Variants in KIF7 observed in about 807,000 individuals in gnomAD.
KIF7 encodes the protein kinesin family member 7.
KIF7 carries 104 observed loss-of-function variants against 135.7 expected under a neutral mutation model. The observed-to-expected ratio is 0.77, with a 90% CI of 0.65 to 0.90. KIF7 has a LOEUF of 0.90. KIF7 is among the 40% of genes least tolerant of loss of function. The probability of loss-of-function intolerance (pLI) is 0.00; values close to 1 mark genes in which losing one functional copy is unlikely to be tolerated. For synonymous variants in KIF7, 883 were observed against 809.4 expected, an observed-to-expected ratio of 1.09 and a Z score of -1.54; for missense variants, 2,005 against 1,839.1, an observed-to-expected ratio of 1.09 and a Z score of -1.65.
intron 11 of KIF7, among the ~76,000 whole-genome samples, chr15:89,641,711 G>T (rs987522763): frequency 6.6e-6 from 1 of 152,190 alleles, no homozygotes; most frequent in African/African-American, 2.4e-5. Flanking sequence ...TGAGACAGGA[G>T]AATCACTTGA....
chr15:89,631,771 G>T lies in KIF7; in HGVS notation c.2896-61C>A, dbSNP rs918335185. The T allele has an allele frequency of 2.8e-6, 4 of 1,404,446 alleles. No individual in the cohort carries two copies. In the African/African-American group the frequency reaches 4.3e-5, roughly 15 times the overall value. The allele number at this position is 1,404,446 out of a possible 1,614,324, so 87.0% of individuals were successfully genotyped here. A position where few individuals can be genotyped will look rare whatever the true frequency, so the allele number is the denominator to read the frequency against. Reference sequence around the variant, plus strand: ...AGGCACTGTCCTCACAGGGGGGACAGAAAGGGCCGGATGTTAAGGAGGACT... The same window carrying T: ...AGGCACTGTCCTCACAGGGGGGACATAAAGGGCCGGATGTTAAGGAGGACT... On this transcript the variant is annotated intron_variant, in intron 14 of 18. Transcript: ENST00000394412.
intron 1 of KIF7, chr15:89,621,336 A>AT: frequency 6.4e-7 from 1 of 1,551,440 alleles, no homozygotes; most frequent in East Asian, 2.3e-5. Context: ...TTTTAATAGT[A>AT]TTGGAAGAAC....
chr15:89,645,826 C>A, intron 8 of KIF7, 67 bp downstream of exon 8: 1 of 1,577,180 alleles, frequency 6.3e-7, no homozygotes, highest in Non-Finnish European at 8.6e-7. Flanking sequence ...ACGGTGCGAT[C>A]CCCAGCCTGC....
rs1963577300 is a variant in KIF7, at chr15:89,628,306, G to A, written c.*113C>T. On this transcript the variant is annotated 3_prime_UTR_variant, in exon 19 of 19. Transcript: ENST00000394412. ...TTGATCCCAGTGAGGGTACAGATGA[G>A]GGCCTGGATTTAGGGTGTGCGGTAA... 66 of 1,381,292 alleles carry A rather than the reference G, an allele frequency of 4.8e-5. No homozygotes were observed. The South Asian group carries it at 9.4e-4, about 20-fold the overall frequency. 85.6% of individuals were successfully genotyped at this position (1,381,292 alleles called of 1,614,324 possible).
At chr15:89,627,263 C>T (rs1963549672), downstream of KIF7, 3 of 732,238 alleles carry the variant, frequency 4.1e-6, no homozygotes, top group East Asian at 2.8e-5. Context: ...TGGCCCTGCC[C>T]CTTGTTGGGG....
downstream of KIF7, chr15:89,623,885 C>T: frequency 6.2e-7 from 1 of 1,614,034 alleles, no homozygotes; most frequent in Non-Finnish European, 8.5e-7. Context: ...GAAACGAAGA[C>T]ACCAAGAACT....
At position 89,652,580 on chromosome 15, in the gene KIF7, G is replaced by C. The variant is rs551499157; in HGVS notation, c.328+23C>G. The C allele has an allele frequency of 0.013, 18,578 of 1,481,850 alleles. 141 individuals are homozygous for C. The highest frequency in any genetic ancestry group is 0.015 in the Non-Finnish European group (16,836 of 1,099,406). The allele number at this position is 1,481,850 out of a possible 1,614,324, so 91.8% of individuals were successfully genotyped here. On this transcript the variant is annotated intron_variant, in intron 2 of 18. Coordinates refer to ENST00000394412, the MANE Select transcript of KIF7 (RefSeq NM_198525.3). ...ACTAAGGCTCCTTAAAGTGGGCACA[G>C]GGCCACGAACAGGGTCACTCACCCA...
chr15:89,621,447 T>G (rs772229279), intron 1 of KIF7: 2 of 1,613,972 alleles, frequency 1.2e-6, no homozygotes, highest in Non-Finnish European at 8.5e-7. Context: ...AGTCTTCTTT[T>G]TGGGGCAATG....
chr15:89,652,770 T>C lies in KIF7; in HGVS notation c.161A>G (p.His54Arg). 1 of 1,551,590 alleles carries C rather than the reference T, an allele frequency of 6.4e-7. No individual in the cohort carries two copies. Residue 54 changes from histidine (H) to arginine (R), a missense_variant, in exon 2 of 19, where the codon CAC becomes CGC. Transcript: ENST00000394412. ...GGCCAGCACCACGTGGAAGCCAAAG[T>C]GTCGGTCACGGCCCAGAGTGACGCG... ...LGRVTLGRDR[H>R]FGFHVVLAED...
intron 4 of KIF7, 72 bp downstream of exon 4, chr15:89,648,902 C>A (rs996347806): frequency 6.2e-6 from 9 of 1,463,304 alleles, no homozygotes; most frequent in African/African-American, 5.6e-5. Flanking sequence ...TGGGCTTCCA[C>A]CCCCACTGGT....
intron 16 of KIF7, chr15:89,630,074 A>G: frequency 1.7e-6 from 1 of 605,698 alleles, no homozygotes; most frequent in Non-Finnish European, 2.9e-6. Flanking sequence ...GAGGTTAGCC[A>G]ATCAGAGCAG....
At position 89,646,979 on chromosome 15, in the gene KIF7, C is replaced by G; in HGVS notation, c.1639G>C (p.Gly547Arg). ...RLELVRPGWG[G>R]PRLLNGLPPG... is the part of the protein sequence containing the mutation. Reference sequence around the variant, plus strand: ...GGCAGGCCATTCAGGAGCCGCGGGCCCCCCCAGCCTGGCCGCACCAGCTCT... The same window carrying G: ...GGCAGGCCATTCAGGAGCCGCGGGCGCCCCCAGCCTGGCCGCACCAGCTCT... The change falls in exon 7 of 19, where the codon GGC (glycine) becomes CGC (arginine). Residue 547 changes from glycine (G) to arginine (R), a missense_variant. Physicochemically the swap from Gly to Arg is moderately radical, Grantham distance 125 (BLOSUM62 -2). Coordinates refer to ENST00000394412, the MANE Select transcript of KIF7 (RefSeq NM_198525.3). 6.2e-7 allele frequency: 1 copy of G among 1,613,322 alleles called. No individual in the cohort carries two copies. The highest frequency in any genetic ancestry group is 1.1e-5 in the South Asian group (1 of 91,048).
rs536374863 is a variant in KIF7, at chr15:89,633,782, C to T, written c.2496G>A (p.Arg832=). The part of the protein sequence containing the change: ...QELERNVQLM[R]QQQGQLQRRL... ...GCCTCTGCAGCTGTCCCTGCTGCTG[C>T]CGCATGAGCTGCACGTTCCGCTCGA... The change falls in exon 12 of 19, where the codon CGG becomes CGA. Residue 832 remains arginine, a synonymous_variant. Coordinates refer to ENST00000394412, the MANE Select transcript of KIF7 (RefSeq NM_198525.3). 1.2e-6 allele frequency: 2 copies of T among 1,611,748 alleles called. No homozygotes were observed. The highest frequency in any genetic ancestry group is 1.7e-6 in the Non-Finnish European group (2 of 1,179,996).
In KIF7 at chr15:89,632,867, T is replaced by C; in HGVS notation, c.2848A>G (p.Met950Val). Reference protein sequence around the residue: ...EAILAKKEALMQEKTGLESKR... With the variant: ...EAILAKKEALVQEKTGLESKR... ...CTCTCCAGCCCCGTCTTCTCCTGCA[T>C]CAGGGCCTCCTTCTTGGCCAGGATG... The change falls in exon 14 of 19, where the codon ATG becomes GTG. Residue 950 changes from methionine (M) to valine (V), a missense_variant. Met to Val is a conservative substitution (Grantham distance 21). Coordinates refer to ENST00000394412, the MANE Select transcript of KIF7 (RefSeq NM_198525.3). 6.2e-7 allele frequency: 1 copy of C among 1,610,090 alleles called. No homozygotes were observed. The highest frequency in any genetic ancestry group is 2.2e-5 in the East Asian group (1 of 44,870).
rs899250184 is a variant in KIF7, at chr15:89,621,653, T to G, written c.181-3458A>C. 90 of 908,186 alleles carry G rather than the reference T, an allele frequency of 9.9e-5. No individual in the cohort carries two copies. In the East Asian group the frequency reaches 2.4e-3, roughly 24 times the overall value. 56.3% of individuals were successfully genotyped at this position (908,186 alleles called of 1,614,324 possible). A position where few individuals can be genotyped will look rare whatever the true frequency, so the allele number is the denominator to read the frequency against. On this transcript the variant is annotated intron_variant and NMD_transcript_variant, in intron 1 of 2. Coordinates refer to the KIF7 transcript ENST00000558928. The stretch of plus-strand genomic sequence containing the variant: ...TAGGGAAGAGAAAGCAGGTGACCTC[T>G]AGATAATACTAGAGATTGGAGGTGA...
intron 10 of KIF7, among the ~76,000 whole-genome samples, chr15:89,644,379 T>C (rs1963972888): frequency 6.6e-6 from 1 of 151,978 alleles, no homozygotes; most frequent in Admixed American, 6.6e-5. Context: ...AGGCACTCGA[T>C]AAGTAAGAAG....
intron 5 of KIF7, 55 bp from the exon 6 acceptor site, chr15:89,647,767 A>T: frequency 7.7e-7 from 1 of 1,303,354 alleles, no homozygotes; most frequent in Non-Finnish European, 1.1e-6. Flanking sequence ...CGAGCTGGAC[A>T]CCCGGCCTCT....
chr15:89,645,182 G>C lies in KIF7; in HGVS notation c.2039-17C>G. On this transcript the variant is annotated splice_polypyrimidine_tract_variant and intron_variant, in intron 9 of 18. Coordinates refer to ENST00000394412, the MANE Select transcript of KIF7 (RefSeq NM_198525.3). ...CACCAACTGCTGCAACAGGCAGCCT[G>C]TCAAGGTTGCTGCCCCAACTGACAG... 6.2e-7 allele frequency: 1 copy of C among 1,604,996 alleles called. No individual in the cohort carries two copies.
downstream of KIF7, chr15:89,624,349 C>T (rs1370432211): frequency 2.5e-6 from 4 of 1,613,980 alleles, no homozygotes; most frequent in South Asian, 1.1e-5. Flanking sequence ...CCAGATGTCA[C>T]CCAGCGTAGC....
Sources: allele counts gnomAD v4.1 joint callset (sites outside exome capture counted in the v4.1 genomes callset), GRCh38; gene constraint gnomAD v4.1.1; transcripts MANE v1.5; gene names NCBI Gene and HGNC (gene_info 2026-07-23, HGNC 2026-07-21).